FGFR2: variants seen among roughly 807,000 people sequenced by gnomAD.
FGFR2 encodes fibroblast growth factor receptor 2, also known as BEK fibroblast growth factor receptor.
In FGFR2, 19 loss-of-function variants were observed where a neutral mutation model predicts 95.9. The ratio of observed to expected loss-of-function variants is 0.20; its 90% confidence interval spans 0.14 to 0.29. The LOEUF (loss-of-function observed/expected upper bound fraction) is 0.29, where lower values mean the gene tolerates loss of function less well. Ranked by LOEUF, FGFR2 falls within the 10% of genes least tolerant of loss-of-function variation. FGFR2 has a pLI of 1.00. For missense variants in FGFR2, 707 were observed against 1,056.9 expected (o/e 0.67, Z 4.59); for synonymous variants, 392 against 393.3 (o/e 1.00, Z 0.04).
At chr10:121,520,925 G>C (rs1850452787) in intron 6 of FGFR2, among the ~76,000 whole-genome samples, 1 of 152,232 alleles carries the variant, frequency 6.6e-6, no homozygotes, top group Admixed American at 6.5e-5. Context: ...TTACAGACGT[G>C]AGCCACCACG....
chr10:121,585,214 AT>A (rs777289418), intron 2 of FGFR2, among the ~76,000 whole-genome samples: 21 of 152,230 alleles, frequency 1.4e-4, no homozygotes, highest in Non-Finnish European at 2.8e-4. Flanking sequence ...GGATGATCCC[AT>A]TTCTAAAATC....
chr10:121,578,099 C>T (rs116767249), intron 2 of FGFR2, among the ~76,000 whole-genome samples: 1,966 of 152,266 alleles, frequency 0.013, 37 homozygotes, highest in African/African-American at 0.044. Flanking sequence ...CTCTGCAATG[C>T]GCCTAACCCA....
At position 121,517,270 on chromosome 10, in the gene FGFR2, G is replaced by A. The variant is rs200432592; in HGVS notation, c.1084+49C>T. The A allele has an allele frequency of 1.3e-6, 2 of 1,598,628 alleles. No homozygotes were observed. Among genetic ancestry groups the A allele is most frequent in the African/African-American group, 2.7e-5 (2 of 74,700 alleles). On this transcript the variant is annotated intron_variant, in intron 8 of 17. Transcript: ENST00000358487. This position sits in a 1 kb window ranked among gnomAD's most constrained non-coding sequence, Gnocchi z 4.7. Reference sequence around the variant, plus strand: ...CAGAAGCTGTGTTAATTTTATAGCAGTCAACCAAGAAAAGGGAAAAAAACC... The same window carrying A: ...CAGAAGCTGTGTTAATTTTATAGCAATCAACCAAGAAAAGGGAAAAAAACC...
At chr10:121,559,493 A>C (rs1856648495) in intron 4 of FGFR2, among the ~76,000 whole-genome samples, 1 of 152,248 alleles carries the variant, frequency 6.6e-6, no homozygotes, top group African/African-American at 2.4e-5. Context: ...CCTGTGAATC[A>C]GACCAGCCTA....
intron 8 of FGFR2, among the ~76,000 whole-genome samples, chr10:121,515,807 C>T (rs767198568): frequency 2.0e-5 from 3 of 150,006 alleles, no homozygotes; most frequent in African/African-American, 2.5e-5. Context: ...CGGATGAACA[C>T]AATTCCATAT....
In FGFR2 at chr10:121,518,779, C is replaced by A; in HGVS notation, c.939+1200G>T. On this transcript the variant is annotated intron_variant, in intron 7 of 17. Coordinates refer to ENST00000358487, the MANE Select transcript of FGFR2 (RefSeq NM_000141.5). This position sits in a 1 kb window ranked among gnomAD's most constrained non-coding sequence, Gnocchi z 4.0. ...TATATTCCCCAGCATCCGCCTCGGTCACATTGAACAGAGCCAGCACTTCTG... is the reference window on the plus strand; with the variant it reads ...TATATTCCCCAGCATCCGCCTCGGTAACATTGAACAGAGCCAGCACTTCTG... 6.2e-7 allele frequency: 1 copy of A among 1,614,154 alleles called. No individual in the cohort carries two copies. The highest frequency in any genetic ancestry group is 8.5e-7 in the Non-Finnish European group (1 of 1,180,024).
At chr10:121,552,192 C>T (rs976554422) in intron 4 of FGFR2, among the ~76,000 whole-genome samples, 2 of 151,954 alleles carry the variant, frequency 1.3e-5, no homozygotes, top group African/African-American at 2.4e-5. Context: ...CAGATGTCCC[C>T]GAAAGTCATA....
Position 121,551,466 on chromosome 10 carries a change from T to C in FGFR2, c.455-7A>G, listed in dbSNP as rs764180882. 6.2e-7 allele frequency: 1 copy of C among 1,614,048 alleles called. No individual in the cohort carries two copies. Among genetic ancestry groups the C allele is most frequent in the Non-Finnish European group, 8.5e-7 (1 of 1,179,994 alleles). ...TTGGTCCAGTATGGTGCTCCTGTTT[T>C]GGAAAACAGTATTAGAATGTATACT... On this transcript the variant is annotated splice_region_variant and splice_polypyrimidine_tract_variant and intron_variant, in intron 4 of 17. Transcript: ENST00000358487.
chr10:121,480,383 G>A (rs964817172), intron 17 of FGFR2: 22 of 370,072 alleles, frequency 5.9e-5, no homozygotes, highest in South Asian at 4.7e-4. Flanking sequence ...GGCTTCACAC[G>A]GACCTAAATA....
intron 6 of FGFR2, among the ~76,000 whole-genome samples, chr10:121,536,022 A>G (rs1271680852): frequency 1.3e-5 from 2 of 152,230 alleles, no homozygotes; most frequent in African/African-American, 4.8e-5. Flanking sequence ...TTTCACTGGG[A>G]AAGGGTTTCT....
chr10:121,516,277 CA>C (rs1394865633), intron 8 of FGFR2, among the ~76,000 whole-genome samples: 1 of 152,180 alleles, frequency 6.6e-6, no homozygotes, highest in Non-Finnish European at 1.5e-5. Flanking sequence ...CAAATAAAAG[CA>C]AGCTTCAACA....
intron 9 of FGFR2, among the ~76,000 whole-genome samples, chr10:121,514,758 A>G (rs886988259): frequency 6.6e-6 from 1 of 152,220 alleles, no homozygotes; most frequent in Non-Finnish European, 1.5e-5. Context: ...TAAAAAAGGT[A>G]TTAGATCACA....
At chr10:121,512,171 G>A (rs148025307) in intron 9 of FGFR2, among the ~76,000 whole-genome samples, 6 of 152,272 alleles carry the variant, frequency 3.9e-5, no homozygotes, top group African/African-American at 1.2e-4. Context: ...TCTGATTAGA[G>A]GCTCAGGTAA....
chr10:121,483,200 G>A (rs1844984921), intron 17 of FGFR2, among the ~76,000 whole-genome samples: 1 of 152,212 alleles, frequency 6.6e-6, no homozygotes, highest in African/African-American at 2.4e-5. Context: ...GAAAGAGGCT[G>A]CAAGGCATAT....
intron 2 of FGFR2, among the ~76,000 whole-genome samples, chr10:121,585,548 C>A (rs921646778): frequency 1.3e-5 from 2 of 152,216 alleles, no homozygotes; most frequent in Non-Finnish European, 2.9e-5. Context: ...TAGATACTAT[C>A]TCTGAGGCTC....
At position 121,577,134 on chromosome 10, in the gene FGFR2, C is replaced by CAAAAAAAAAAAAA. The variant is rs1169487586; in HGVS notation, c.110-11443_110-11431dup. 1.0e-3 allele frequency among the ~76,000 whole-genome samples: 4 copies of CAAAAAAAAAAAAA among 3,952 alleles called. 2 individuals are homozygous for CAAAAAAAAAAAAA. The highest frequency in any genetic ancestry group is 7.5e-4 in the Non-Finnish European group (2 of 2,682). The allele number at this position is 3,952 out of a possible 152,430, so 2.6% of individuals were successfully genotyped here. A position where few individuals can be genotyped will look rare whatever the true frequency, so the allele number is the denominator to read the frequency against. ...TGGATGACAGAGCGAGACTCCATCT[C>CAAAAAAAAAAAAA]AAAAAAAAAAAAAAAAAAAAAAAAA... On this transcript the variant is annotated intron_variant, in intron 2 of 17. Transcript: ENST00000358487.
Position 121,503,857 on chromosome 10 carries a change from G to C in FGFR2, c.1372C>G (p.Pro458Ala), listed in dbSNP as rs1265366960. ...TTRLSSTADT[P>A]MLAGVSEYEL... ...TACTCGGAGACCCCTGCCAGCATGG[G>C]GGTGTCTGCCGTTGAAGAGAGGCGT... Residue 458 changes from proline to alanine, a missense_variant, in exon 10 of 18, where the codon CCC becomes GCC. Coordinates refer to ENST00000358487, the MANE Select transcript of FGFR2 (RefSeq NM_000141.5). The C allele has an allele frequency of 6.2e-7, 1 of 1,614,012 alleles. No individual in the cohort carries two copies. Among genetic ancestry groups the C allele is most frequent in the Non-Finnish European group, 8.5e-7 (1 of 1,180,024 alleles).
rs74160617 is a variant in FGFR2 at position 121,500,848 on chromosome 10, G to T, written c.1539C>A (p.Thr513=). The part of the protein sequence containing the change: ...IDKDKPKEAV[T]VAVKMLKDDA... ...CACCTTTCAACATCTTCACGGCCACGGTGACCGCCTCCTTGGGCTTGTCTT... is the reference window on the plus strand; with the variant it reads ...CACCTTTCAACATCTTCACGGCCACTGTGACCGCCTCCTTGGGCTTGTCTT... The change falls in exon 11 of 18, where the codon ACC becomes ACA. Residue 513 remains threonine (T), a synonymous_variant. Transcript: ENST00000358487. The T allele has an allele frequency of 6.2e-7, 1 of 1,614,018 alleles. No homozygotes were observed. The highest frequency in any genetic ancestry group is 8.5e-7 in the Non-Finnish European group (1 of 1,180,008).
intron 2 of FGFR2, among the ~76,000 whole-genome samples, chr10:121,593,019 T>C (rs954776877): frequency 2.0e-5 from 3 of 152,158 alleles, no homozygotes; most frequent in Non-Finnish European, 4.4e-5. Flanking sequence ...TCCTCGTAAT[T>C]GGACTTACAC....
Sources: allele counts gnomAD v4.1 joint callset (sites outside exome capture counted in the v4.1 genomes callset), GRCh38; gene constraint gnomAD v4.1.1; non-coding constraint Gnocchi (gnomAD v3.1); transcripts MANE v1.5; gene names NCBI Gene and HGNC (gene_info 2026-07-23, HGNC 2026-07-21).